COX7A2: variants seen among roughly 807,000 people sequenced by gnomAD.
The protein encoded by COX7A2 is cytochrome c oxidase subunit 7A2, also known as cytochrome c oxidase subunit 7A2, mitochondrial.
A neutral mutation model predicts 11.6 loss-of-function variants in COX7A2; 11 were observed. That is an observed-to-expected ratio of 0.95 (90% confidence interval 0.60 to 1.57). The LOEUF is 1.57. Among genes scored for constraint, COX7A2 ranks in the 40% most tolerant of loss-of-function variants. The pLI, the probability that COX7A2 is intolerant of heterozygous loss-of-function variation, is 0.00. For synonymous variants in COX7A2, 30 were observed against 38.2 expected (o/e 0.78, Z 0.79); for missense variants, 106 against 100.9 (o/e 1.05, Z -0.22).
At chr6:75,246,029 GT>G (rs1771674734), upstream of COX7A2, among the ~76,000 whole-genome samples, 1 of 152,066 alleles carries the variant, frequency 6.6e-6, no homozygotes, top group East Asian at 1.9e-4. Flanking sequence ...TAAAATTTCA[GT>G]TTCTCACCTT....
rs1409301313 is a variant in COX7A2 at position 75,240,344 on chromosome 6, A to G, written c.150T>C (p.Ala50=). The change falls in exon 3 of 4, where the codon GCT becomes GCC. Residue 50 remains alanine (A), a synonymous_variant. Transcript: ENST00000684430. Reference sequence around the variant, plus strand: ...TGGTGGCTCTATACAGGAGGGCATCAGCTACCCCACCCTTTAGATACAGTG... The same window carrying G: ...TGGTGGCTCTATACAGGAGGGCATCGGCTACCCCACCCTTTAGATACAGTG... ...EIPLYLKGGV[A]DALLYRATMI... is the part of the protein sequence containing the mutation. 1.9e-6 allele frequency: 3 copies of G among 1,610,750 alleles called. No individual in the cohort carries two copies. Among genetic ancestry groups the G allele is most frequent in the Non-Finnish European group, 2.5e-6 (3 of 1,178,984 alleles).
At chr6:75,247,870 T>C (rs1771713714), upstream of COX7A2, among the ~76,000 whole-genome samples, 1 of 152,198 alleles carries the variant, frequency 6.6e-6, no homozygotes. Context: ...CATGTCTCTC[T>C]GCCATATCTT....
intron 1 of COX7A2, among the ~76,000 whole-genome samples, chr6:75,242,598 G>A (rs1351507169): frequency 5.8e-5 from 1 of 17,364 alleles, no homozygotes; most frequent in Non-Finnish European, 1.2e-4. Flanking sequence ...GAGGCGGGCG[G>A]ATCACTTGAG....
In COX7A2 at chr6:75,250,119, A is replaced by G. The variant is rs145076680; in HGVS notation, c.-107T>C. On this transcript the variant is annotated 5_prime_UTR_variant, in exon 1 of 5. Coordinates refer to the COX7A2 transcript ENST00000370081. ...ATGTAAGAAATCTCAGGTTGGTGTG[A>G]GATTATTCCTGTTTTGACCTTATTA... is the stretch of plus-strand genomic sequence containing the variant. 5 of 152,320 alleles carry G rather than the reference A, an allele frequency of 3.3e-5. No homozygotes were observed. In the East Asian group the frequency reaches 9.6e-4, roughly 29 times the overall value. 9.4% of individuals were successfully genotyped at this position (152,320 alleles called of 1,614,324 possible).
chr6:75,243,717 C>A lies in COX7A2; in HGVS notation c.18G>T (p.Leu6=). 6.2e-7 allele frequency: 1 copy of A among 1,613,584 alleles called. No homozygotes were observed. The highest frequency in any genetic ancestry group is 2.2e-5 in the East Asian group (1 of 44,870). The change falls in exon 1 of 4, where the codon CTG becomes CTT. Residue 6 remains leucine, a splice_region_variant and synonymous_variant. Transcript: ENST00000684430. ...GAATGCAAGATGAGAAGCTCCTCAC[C>A]AGCAGATTCCGCAGCATCTTGGCTG... is the stretch of plus-strand genomic sequence containing the variant. The part of the protein sequence containing the change: MLRNL[L]ALRQIGQRTI...
At chr6:75,243,862 A>T (rs565588665), upstream of COX7A2, 1 of 1,597,798 alleles carries the variant, frequency 6.3e-7, no homozygotes, top group South Asian at 1.1e-5. Flanking sequence ...GGCCGAAGAG[A>T]GGCTTGCGCT....
chr6:75,243,837 A>C (rs772265749), upstream of COX7A2: 32 of 1,613,356 alleles, frequency 2.0e-5, no homozygotes, highest in Non-Finnish European at 2.6e-5. Flanking sequence ...GCATTCACGA[A>C]CTTAAATCTT....
chr6:75,245,090 T>C (rs1042267418), upstream of COX7A2, among the ~76,000 whole-genome samples: 2 of 152,214 alleles, frequency 1.3e-5, no homozygotes, highest in African/African-American at 4.8e-5. Context: ...AGCGCAGAGA[T>C]GATGTGGATT....
chr6:75,242,130 G>A (rs1771521803), intron 1 of COX7A2, among the ~76,000 whole-genome samples: 1 of 151,958 alleles, frequency 6.6e-6, no homozygotes, highest in Admixed American at 6.6e-5. Flanking sequence ...AACCCGGGAG[G>A]CAGAGGTTGT....
intron 3 of COX7A2, among the ~76,000 whole-genome samples, 160 bp from the exon 4 acceptor site, chr6:75,238,148 T>C (rs1411145720): frequency 2.6e-5 from 4 of 151,754 alleles, no homozygotes; most frequent in African/African-American, 2.4e-5. Context: ...TAAATAAATA[T>C]ATGTAAAATA....
At chr6:75,244,363 G>T (rs1771633471), upstream of COX7A2, among the ~76,000 whole-genome samples, 2 of 152,152 alleles carry the variant, frequency 1.3e-5, no homozygotes, top group Non-Finnish European at 2.9e-5. Flanking sequence ...CCCCAAGCAA[G>T]AAGTTCTTCC....
chr6:75,244,788 C>G (rs1771644101), upstream of COX7A2, among the ~76,000 whole-genome samples: 2 of 152,096 alleles, frequency 1.3e-5, no homozygotes, highest in African/African-American at 4.8e-5. Context: ...TCTTCACAAT[C>G]TACTGTATGT....
rs774590165 is a variant in COX7A2, at chr6:75,243,742, G to C, written c.-8C>G. The C allele has an allele frequency of 8.1e-6, 13 of 1,613,908 alleles. No homozygotes were observed. Among genetic ancestry groups the C allele is most frequent in the Non-Finnish European group, 1.1e-5 (13 of 1,179,876 alleles). On this transcript the variant is annotated 5_prime_UTR_variant, in exon 1 of 4. Coordinates refer to ENST00000684430, the MANE Select transcript of COX7A2 (RefSeq NM_001366293.2). ...CAGCAGATTCCGCAGCATCTTGGCT[G>C]TTACTGACCAGCAACCGCCACAACT...
upstream of COX7A2, among the ~76,000 whole-genome samples, chr6:75,245,942 A>T (rs1442048927): frequency 6.6e-6 from 1 of 151,906 alleles, no homozygotes; most frequent in African/African-American, 2.4e-5. Flanking sequence ...CTTCCATAGT[A>T]CTCCTTCGGT....
At chr6:75,247,208 T>C (rs886903556), upstream of COX7A2, among the ~76,000 whole-genome samples, 1 of 143,610 alleles carries the variant, frequency 7.0e-6, no homozygotes, top group African/African-American at 2.5e-5. Context: ...TTACCCAATC[T>C]TTTTTTTCCT....
At chr6:75,244,191 A>G (rs1771627396), upstream of COX7A2, among the ~76,000 whole-genome samples, 1 of 152,250 alleles carries the variant, frequency 6.6e-6, no homozygotes, top group East Asian at 1.9e-4. Flanking sequence ...GAAGCCTCAT[A>G]AAATTCAAAA....
At chr6:75,242,774 G>C (rs1322335241) in intron 1 of COX7A2, among the ~76,000 whole-genome samples, 1 of 151,944 alleles carries the variant, frequency 6.6e-6, no homozygotes, top group Admixed American at 6.6e-5. Context: ...AGCCGAGATC[G>C]TGCCACTGCA....
chr6:75,241,004 G>T, intron 2 of COX7A2, 172 bp downstream of exon 2: 1 of 724,400 alleles, frequency 1.4e-6, no homozygotes, highest in Non-Finnish European at 2.0e-6. Context: ...GCTCCACCAG[G>T]TCTTTCCCCA....
rs909911132 is a variant in COX7A2 at position 75,240,451 on chromosome 6, A to C, written c.109-66T>G. On this transcript the variant is annotated intron_variant, in intron 2 of 3. Transcript: ENST00000684430. Reference sequence around the variant, plus strand: ...TCACTCATTTCCAACTAAGTTTCAAAAGAACAGGCATATAAAATGATATAG... The same window carrying C: ...TCACTCATTTCCAACTAAGTTTCAACAGAACAGGCATATAAAATGATATAG... 5.4e-6 allele frequency: 6 copies of C among 1,109,854 alleles called. No individual in the cohort carries two copies. In the African/African-American group the frequency reaches 9.6e-5, roughly 18 times the overall value. 68.8% of individuals were successfully genotyped at this position (1,109,854 alleles called of 1,614,324 possible).
Sources: allele counts gnomAD v4.1 joint callset (sites outside exome capture counted in the v4.1 genomes callset), GRCh38; gene constraint gnomAD v4.1.1; transcripts MANE v1.5; gene names NCBI Gene and HGNC (gene_info 2026-07-23, HGNC 2026-07-21).